The following C19orf25 variants were observed in gnomAD, a reference collection of about 807,000 sequenced individuals.
The protein encoded by C19orf25 is UPF0449 protein C19orf25.
In C19orf25, 1 loss-of-function variant was observed where a neutral mutation model predicts 3.1. That is an observed-to-expected ratio of 0.32 (90% CI 0.12 to 1.54). The LOEUF (loss-of-function observed/expected upper bound fraction) is 1.54. C19orf25 is among the 40% of genes most tolerant of loss of function. The pLI, the probability that C19orf25 is intolerant of heterozygous loss-of-function variation, is 0.38. For missense variants in C19orf25, 196 were observed against 160.4 expected, an observed-to-expected ratio of 1.22 and a Z score of -1.20; for synonymous variants, 91 against 74.3, an observed-to-expected ratio of 1.23 and a Z score of -1.16.
intron 2 of C19orf25, chr19:1,478,430 TTTTTG>T (rs1361315860): frequency 8.2e-6 from 4 of 486,792 alleles, no homozygotes; most frequent in South Asian, 6.6e-5. Context: ...TTTGTTTTTG[TTTTTG>T]TTTTGTTTTT....
rs1362583092 is a variant in C19orf25, at chr19:1,478,766, C to T, written c.130+8G>A. On this transcript the variant is annotated splice_region_variant and intron_variant, in intron 2 of 2. Transcript: ENST00000585675. ...GTCCGCTTTTCCCCGGGACCGGGCT[C>T]CCCCTACCTTCCGGGGCCAGGATGG... 2 of 1,564,160 alleles carry T rather than the reference C, an allele frequency of 1.3e-6. No homozygotes were observed. The highest frequency in any genetic ancestry group is 1.4e-5 in the African/African-American group (1 of 73,642).
At chr19:1,478,361 C>G in intron 2 of C19orf25, 1 of 321,172 alleles carries the variant, frequency 3.1e-6, no homozygotes, top group Non-Finnish European at 5.6e-6. Flanking sequence ...CTGCCTCAGC[C>G]TCCCGAGTAG....
chr19:1,475,413 G>A, intron 2 of C19orf25, 155 bp from the exon 3 acceptor site: 1 of 735,174 alleles, frequency 1.4e-6, no homozygotes, highest in South Asian at 1.9e-5. Context: ...CAGGTGTGGT[G>A]GCTCACGCCT....
rs1025709900 is a variant in C19orf25 at position 1,473,470 on chromosome 19, G to A, written c.*1562C>T. ...TGGTCCCAAGGGAGGGCAGGCTCCAGGGGGTGCACAGCACCCCAGACAGGG... is the reference window on the plus strand; with the variant it reads ...TGGTCCCAAGGGAGGGCAGGCTCCAAGGGGTGCACAGCACCCCAGACAGGG... On this transcript the variant is annotated 3_prime_UTR_variant, in exon 3 of 3. Coordinates refer to ENST00000585675, the MANE Select transcript of C19orf25 (RefSeq NM_152482.3). The A allele has an allele frequency of 1.3e-5, 2 of 152,302 alleles. No homozygotes were observed. The highest frequency in any genetic ancestry group is 4.8e-5 in the African/African-American group (2 of 41,474). The allele number at this position is 152,302 out of a possible 1,614,324, so 9.4% of individuals were successfully genotyped here.
In C19orf25 at chr19:1,474,942, G is replaced by A. The variant is rs769220988; in HGVS notation, c.*90C>T. The A allele has an allele frequency of 2.7e-5, 41 of 1,529,320 alleles. No homozygotes were observed. Among genetic ancestry groups the A allele is most frequent in the Middle Eastern group, 1.7e-4 (1 of 5,968 alleles). The allele number at this position is 1,529,320 out of a possible 1,614,324, so 94.7% of individuals were successfully genotyped here. ...CAACACCCACGTGGGCTGGGACCCC[G>A]TGAATGCCAGTCTGGGGCCGACGGA... On this transcript the variant is annotated 3_prime_UTR_variant, in exon 3 of 3. Coordinates refer to ENST00000585675, the MANE Select transcript of C19orf25 (RefSeq NM_152482.3).
rs1001460377 is a variant in C19orf25 at position 1,474,855 on chromosome 19, A to C, written c.*177T>G. ...CGGAGCCAGCTGGGTGGGTCCCACC[A>C]ACTCGGCATGAATGAGACGACGGAT... is the stretch of plus-strand genomic sequence containing the variant. On this transcript the variant is annotated 3_prime_UTR_variant, in exon 3 of 3. Transcript: ENST00000585675. 6.8e-7 allele frequency: 1 copy of C among 1,478,160 alleles called. No individual in the cohort carries two copies. Among genetic ancestry groups the C allele is most frequent in the African/African-American group, 1.4e-5 (1 of 71,408 alleles). The allele number at this position is 1,478,160 out of a possible 1,614,324, so 91.6% of individuals were successfully genotyped here. A position where few individuals can be genotyped will look rare whatever the true frequency, so the allele number is the denominator to read the frequency against.
rs1301370070 is a variant in C19orf25 at position 1,475,044 on chromosome 19, G to A, written c.345C>T (p.Ala115=). 6.3e-7 allele frequency: 1 copy of A among 1,592,498 alleles called. No individual in the cohort carries two copies. The highest frequency in any genetic ancestry group is 8.5e-7 in the Non-Finnish European group (1 of 1,172,080). Reference sequence around the variant, plus strand: ...AGGCCCCGAGAGGTCAGCCTGAGGAGGCAGCCTCGGCTGCCGGTAATGCTG... The same window carrying A: ...AGGCCCCGAGAGGTCAGCCTGAGGAAGCAGCCTCGGCTGCCGGTAATGCTG... The part of the protein sequence containing the change: ...KQAALPAAEA[A]SSG Residue 115 remains alanine, a synonymous_variant, in exon 3 of 3, where the codon GCC becomes GCT. Coordinates refer to ENST00000585675, the MANE Select transcript of C19orf25 (RefSeq NM_152482.3).
chr19:1,475,093 C>A lies in C19orf25; in HGVS notation c.296G>T (p.Arg99Leu). Residue 99 changes from arginine to leucine, a missense_variant, in exon 3 of 3, where the codon CGG becomes CTG. By Grantham distance (102) the Arg-to-Leu change is moderately radical. Transcript: ENST00000585675. Reference sequence around the variant, plus strand: ...TGCCTGCTTCATCTGGGCCACCTCCCGCTCCAGGTCCTCGCCGGCTCGCTG... The same window carrying A: ...TGCCTGCTTCATCTGGGCCACCTCCAGCTCCAGGTCCTCGCCGGCTCGCTG... The part of the protein sequence containing the change: ...LLQRAGEDLE[R>L]EVAQMKQAAL... The A allele has an allele frequency of 1.2e-6, 2 of 1,606,606 alleles. No individual in the cohort carries two copies. The highest frequency in any genetic ancestry group is 2.2e-5 in the East Asian group (1 of 44,580).
chr19:1,477,773 A>T (rs1384448415), intron 2 of C19orf25, among the ~76,000 whole-genome samples: 2 of 152,202 alleles, frequency 1.3e-5, no homozygotes, highest in African/African-American at 4.8e-5. Flanking sequence ...TTAAAAAAAC[A>T]GCCAGGGGCA....
At chr19:1,477,002 T>A (rs1055836073) in intron 2 of C19orf25, among the ~76,000 whole-genome samples, 2 of 12,906 alleles carry the variant, frequency 1.5e-4, no homozygotes, top group Non-Finnish European at 2.5e-4. Flanking sequence ...TTCTTTTTTC[T>A]TTTTTTTTTT....
intron 2 of C19orf25, among the ~76,000 whole-genome samples, chr19:1,477,260 C>T (rs2084214698): frequency 1.3e-5 from 2 of 152,166 alleles, no homozygotes; most frequent in African/African-American, 4.8e-5. Context: ...CCTCAGCCAC[C>T]CAAAGTGCTG....
chr19:1,474,968 C>T lies in C19orf25; in HGVS notation c.*64G>A. ...TGAATGCCAGTCTGGGGCCGACGGACCCCCAGGGAAAGCCTGGGTGCAGGC... is the reference window on the plus strand; with the variant it reads ...TGAATGCCAGTCTGGGGCCGACGGATCCCCAGGGAAAGCCTGGGTGCAGGC... On this transcript the variant is annotated 3_prime_UTR_variant, in exon 3 of 3. Coordinates refer to ENST00000585675, the MANE Select transcript of C19orf25 (RefSeq NM_152482.3). 2.6e-6 allele frequency: 4 copies of T among 1,533,246 alleles called. No homozygotes were observed. Among genetic ancestry groups the T allele is most frequent in the Non-Finnish European group, 3.5e-6 (4 of 1,142,652 alleles). 95.0% of individuals were successfully genotyped at this position (1,533,246 alleles called of 1,614,324 possible). A position where few individuals can be genotyped will look rare whatever the true frequency, so the allele number is the denominator to read the frequency against.
intron 2 of C19orf25, chr19:1,476,443 C>G (rs1308810235): frequency 3.5e-5 from 14 of 395,720 alleles, no homozygotes; most frequent in Non-Finnish European, 5.3e-5. Flanking sequence ...CCATGAAGCT[C>G]AAACCACGGC....
At position 1,478,855 on chromosome 19, in the gene C19orf25, G is replaced by A. The variant is rs1568194602; in HGVS notation, c.49C>T (p.Pro17Ser). The part of the protein sequence containing the change: ...KRVLLPTRPA[P>S]PTVEQILEDV... ...TCCAGGATCTGCTCCACCGTGGGGG[G>A]CGCTGGGCGGGTGGGCAGCAGCACG... The change falls in exon 2 of 3, where the codon CCC becomes TCC. Residue 17 changes from proline to serine, a missense_variant. By Grantham distance (74) the Pro-to-Ser change is moderately conservative. Coordinates refer to ENST00000585675, the MANE Select transcript of C19orf25 (RefSeq NM_152482.3). 3 of 1,594,062 alleles carry A rather than the reference G, an allele frequency of 1.9e-6. No homozygotes were observed. The highest frequency in any genetic ancestry group is 2.6e-6 in the Non-Finnish European group (3 of 1,172,220).
rs1438647865 is a variant in C19orf25 at position 1,475,404 on chromosome 19, A to C, written c.131-146T>G. 1.6e-5 allele frequency: 13 copies of C among 795,950 alleles called. No homozygotes were observed. In the East Asian group the frequency reaches 3.3e-4, roughly 20 times the overall value. The allele number at this position is 795,950 out of a possible 1,614,324, so 49.3% of individuals were successfully genotyped here. A position where few individuals can be genotyped will look rare whatever the true frequency, so the allele number is the denominator to read the frequency against. On this transcript the variant is annotated intron_variant, in intron 2 of 2. Coordinates refer to ENST00000585675, the MANE Select transcript of C19orf25 (RefSeq NM_152482.3). ...TCTTCTTAACATGACGGATGCAGCC[A>C]GGTGTGGTGGCTCACGCCTGTAATC... is the stretch of plus-strand genomic sequence containing the variant.
At chr19:1,478,970 T>C in intron 1 of C19orf25, 65 bp from the exon 2 acceptor site, 1 of 1,469,066 alleles carries the variant, frequency 6.8e-7, no homozygotes, top group Non-Finnish European at 9.0e-7. Context: ...GGGCTGCTCC[T>C]CCCGCCCAGC....
chr19:1,478,197 T>C (rs1042018536), intron 2 of C19orf25, among the ~76,000 whole-genome samples: 1 of 151,574 alleles, frequency 6.6e-6, no homozygotes, highest in Non-Finnish European at 1.5e-5. Context: ...CCTCCCACTT[T>C]AGCCTCCAAG....
At position 1,478,873 on chromosome 19, in the gene C19orf25, G is replaced by A. The variant is rs1203191794; in HGVS notation, c.31C>T (p.Leu11=). The A allele has an allele frequency of 1.3e-6, 2 of 1,594,226 alleles. No individual in the cohort carries two copies. Among genetic ancestry groups the A allele is most frequent in the Non-Finnish European group, 1.7e-6 (2 of 1,172,554 alleles). ...GTGGGGGGCGCTGGGCGGGTGGGCA[G>A]CAGCACGCGCTTCTTTGCCTTGGAG... MGSKAKKRVL[L]PTRPAPPTVE... is the part of the protein sequence containing the mutation. Residue 11 remains leucine, a synonymous_variant, in exon 2 of 3, where the codon CTG becomes TTG. Coordinates refer to ENST00000585675, the MANE Select transcript of C19orf25 (RefSeq NM_152482.3).
rs1039230321 is a variant in C19orf25, at chr19:1,474,615, C to T, written c.*417G>A. 8 of 500,450 alleles carry T rather than the reference C, an allele frequency of 1.6e-5. No homozygotes were observed. Among genetic ancestry groups the T allele is most frequent in the Admixed American group, 7.2e-5 (2 of 27,712 alleles). 31.0% of individuals were successfully genotyped at this position (500,450 alleles called of 1,614,324 possible). A position where few individuals can be genotyped will look rare whatever the true frequency, so the allele number is the denominator to read the frequency against. The stretch of plus-strand genomic sequence containing the variant: ...GCTGCTCTGACATTGGGTGGGCACT[C>T]GCTGGATGGAATCACAGTTAACACC... On this transcript the variant is annotated 3_prime_UTR_variant, in exon 3 of 3. Transcript: ENST00000585675.
Sources: gnomAD v4.1 joint callset for allele counts (sites outside exome capture counted in the v4.1 genomes callset) on GRCh38, gnomAD v4.1.1 for gene constraint, MANE v1.5 for transcripts, NCBI Gene and HGNC (gene_info 2026-07-23, HGNC 2026-07-21) for gene names.